Variants in GABRR1 observed in about 807,000 individuals in gnomAD.
GABRR1 encodes gamma-aminobutyric acid receptor subunit rho-1.
Under a neutral mutation model 55.5 loss-of-function variants are expected in GABRR1, and 59 were observed. The ratio of observed to expected loss-of-function variants is 1.06; its 90% CI spans 0.86 to 1.32. The LOEUF (loss-of-function observed/expected upper bound fraction) is 1.32. Among genes scored for constraint, GABRR1 ranks in the 40% most tolerant of loss-of-function variants. GABRR1 has a pLI of 0.00. For synonymous variants in GABRR1, 213 were observed against 226.0 expected, an observed-to-expected ratio of 0.94 and a Z score of 0.51; for missense variants, 602 against 619.1, an observed-to-expected ratio of 0.97 and a Z score of 0.29.
intron 1 of GABRR1, among the ~76,000 whole-genome samples, chr6:89,212,408 T>A: frequency 2.9e-5 from 1 of 35,058 alleles, no homozygotes; most frequent in South Asian, 1.1e-3. Flanking sequence ...ATCATGCTGC[T>A]GAGCAAGCAA....
At chr6:89,179,219 T>G (rs1261615049) in intron 9 of GABRR1, among the ~76,000 whole-genome samples, 156 bp from the exon 10 acceptor site, 1 of 147,822 alleles carries the variant, frequency 6.8e-6, no homozygotes, top group Non-Finnish European at 1.5e-5. Context: ...TTGTTTTTGT[T>G]TTTTTTTTGG....
At chr6:89,203,221 T>G (rs1268738141) in intron 2 of GABRR1, among the ~76,000 whole-genome samples, 3 of 152,126 alleles carry the variant, frequency 2.0e-5, no homozygotes, top group Non-Finnish European at 4.4e-5. Context: ...CCAGCTCCCA[T>G]TGCCGCGGAC....
chr6:89,206,671 A>C (rs1012622472), intron 1 of GABRR1, among the ~76,000 whole-genome samples: 2 of 151,082 alleles, frequency 1.3e-5, no homozygotes, highest in Non-Finnish European at 2.9e-5. Context: ...GCTGGAGTGC[A>C]GTGGTGCAAT....
chr6:89,218,248 G>A (rs1773047591), upstream of GABRR1, among the ~76,000 whole-genome samples: 1 of 152,064 alleles, frequency 6.6e-6, no homozygotes, highest in African/African-American at 2.4e-5. Flanking sequence ...AACTGAGTCA[G>A]GATTCCCATA....
chr6:89,219,514 G>A (rs1481276565), upstream of GABRR1, among the ~76,000 whole-genome samples: 1 of 152,140 alleles, frequency 6.6e-6, no homozygotes, highest in East Asian at 1.9e-4. Flanking sequence ...GAAGGAAGAT[G>A]GTCAGGAAAA....
chr6:89,184,885 C>CT (rs754802888), intron 7 of GABRR1, among the ~76,000 whole-genome samples: 18,568 of 123,614 alleles, frequency 0.15, 1,615 homozygotes, highest in Admixed American at 0.21. Context: ...TCTTTTCTTT[C>CT]TTTTTTTTTT....
intron 5 of GABRR1, among the ~76,000 whole-genome samples, chr6:89,196,030 T>C (rs768477920): frequency 1.4e-4 from 21 of 152,354 alleles, no homozygotes; most frequent in Admixed American, 9.1e-4. Context: ...ATTTCAGTAT[T>C]TGAAAGCTAT....
At chr6:89,211,179 A>G (rs768706640) in intron 1 of GABRR1, among the ~76,000 whole-genome samples, 3 of 152,122 alleles carry the variant, frequency 2.0e-5, no homozygotes, top group African/African-American at 4.8e-5. Flanking sequence ...GACAAGATGA[A>G]GAGAGCACTA....
At chr6:89,182,738 G>A (rs904013448) in intron 7 of GABRR1, among the ~76,000 whole-genome samples, 5 of 151,892 alleles carry the variant, frequency 3.3e-5, no homozygotes, top group Non-Finnish European at 7.4e-5. Context: ...TCAGCTGGGC[G>A]CGGTGGCTCA....
intron 4 of GABRR1, 56 bp downstream of exon 4, chr6:89,199,306 C>A: frequency 1.3e-6 from 2 of 1,510,232 alleles, no homozygotes; most frequent in Non-Finnish European, 1.8e-6. Flanking sequence ...GAGCTCCTGG[C>A]CCTGGACCGG....
intron 1 of GABRR1, 146 bp from the exon 2 acceptor site, chr6:89,203,631 T>C: frequency 1.5e-6 from 1 of 667,074 alleles, no homozygotes; most frequent in Admixed American, 2.6e-5. Context: ...ATTCAATGCA[T>C]TCATTTAGCC....
rs1030457279 is a variant in GABRR1, at chr6:89,201,177, T to G, written c.262A>C (p.Met88Leu). The change falls in exon 3 of 10, where the codon ATG becomes CTG. Residue 88 changes from methionine to leucine, a missense_variant. Physicochemically the swap from Met to Leu is conservative, Grantham distance 15. Around this residue, in one of 3 missense-constraint regions of GABRR1, gnomAD observed 435 missense variants for 424.2 expected, o/e 1.03. Coordinates refer to ENST00000454853, the MANE Select transcript of GABRR1 (RefSeq NM_002042.5). ...LLRIDDHDFSMRPGFGGPAIP... is the reference protein window; with the variant it reads ...LLRIDDHDFSLRPGFGGPAIP... Reference sequence around the variant, plus strand: ...CCCATACCTCCAAAGCCAGGCCTCATGCTGAAATCATGGTCATCTATCCTC... The same window carrying G: ...CCCATACCTCCAAAGCCAGGCCTCAGGCTGAAATCATGGTCATCTATCCTC... The G allele has an allele frequency of 5.0e-6, 8 of 1,613,916 alleles. No individual in the cohort carries two copies. The highest frequency in any genetic ancestry group is 6.8e-6 in the Non-Finnish European group (8 of 1,179,762).
At chr6:89,201,286 A>G in intron 2 of GABRR1, 21 bp from the exon 3 acceptor site, 1 of 1,521,518 alleles carries the variant, frequency 6.6e-7, no homozygotes, top group Non-Finnish European at 9.1e-7. Context: ...GGAAGAAACC[A>G]GGCTGATCAT....
exon 1 of GABRR1, chr6:89,231,225 G>GC (rs1358366985): frequency 6.4e-6 from 1 of 155,550 alleles, no homozygotes; most frequent in Non-Finnish European, 1.4e-5. Context: ...CCCGTCTTCT[G>GC]CGTCGCTCAC....
intron 1 of GABRR1, among the ~76,000 whole-genome samples, chr6:89,230,648 A>G (rs1195572771): frequency 6.6e-6 from 1 of 151,464 alleles, no homozygotes; most frequent in Non-Finnish European, 1.5e-5. Flanking sequence ...GTGCTGGGAG[A>G]ACCACTGCTC....
intron 1 of GABRR1, among the ~76,000 whole-genome samples, chr6:89,223,753 G>T (rs1773150155): frequency 6.8e-6 from 1 of 147,158 alleles, no homozygotes; most frequent in Admixed American, 6.8e-5. Context: ...GAGTAAGGTG[G>T]TATTGCATTG....
chr6:89,193,278 A>G (rs1325752128), intron 5 of GABRR1, among the ~76,000 whole-genome samples: 7 of 152,230 alleles, frequency 4.6e-5, no homozygotes, highest in African/African-American at 1.7e-4. Flanking sequence ...TGAATGAATG[A>G]AGTGAGGAGA....
intron 6 of GABRR1, among the ~76,000 whole-genome samples, chr6:89,186,274 C>T (rs751059068): frequency 2.6e-5 from 4 of 152,244 alleles, no homozygotes; most frequent in Non-Finnish European, 4.4e-5. Context: ...TACAATCAAA[C>T]ACTAATCTGT....
At chr6:89,211,742 CA>C (rs1431139257) in intron 1 of GABRR1, among the ~76,000 whole-genome samples, 1 of 152,124 alleles carries the variant, frequency 6.6e-6, no homozygotes, top group Non-Finnish European at 1.5e-5. Flanking sequence ...CTGTAATAAG[CA>C]CTTGATAACT....
Sources: allele counts gnomAD v4.1 joint callset (sites outside exome capture counted in the v4.1 genomes callset), GRCh38; gene constraint gnomAD v4.1.1; regional missense constraint gnomAD v4.1.1; transcripts MANE v1.5; gene names NCBI Gene and HGNC (gene_info 2026-07-23, HGNC 2026-07-21).